The following CREBBP variants were observed in gnomAD, a reference collection of about 807,000 sequenced individuals.
CREBBP encodes the protein CREB binding lysine acetyltransferase.
Under a neutral mutation model 265.0 loss-of-function variants are expected in CREBBP, and 19 were observed. That is an observed-to-expected ratio of 0.07 (90% confidence interval 0.05 to 0.11). The LOEUF is 0.11. Ranked by LOEUF, CREBBP falls within the 10% of genes least tolerant of loss-of-function variation. The pLI is 1.00. For missense variants in CREBBP, 2,525 were observed against 3,219.0 expected (o/e 0.78, Z 5.22); for synonymous variants, 1,457 against 1,223.7 (o/e 1.19, Z -3.98).
Position 3,849,447 on chromosome 16 carries a change from GTGTGTGTGTGTGT to G in CREBBP, c.798+837_798+849del, listed in dbSNP as rs2054769088. On this transcript the variant is annotated intron_variant, in intron 2 of 30. Transcript: ENST00000262367. Reference sequence around the variant, plus strand: ...TGTGTGTGTGTGTGTGTGTGTGTGTGTGTGTGTGTGTGTGTGTGTGTGTGTGTGTGTGTGTGTG... The same window carrying G: ...TGTGTGTGTGTGTGTGTGTGTGTGTGGTGTGTGTGTGTGTGTGTGTGTGTG... 5.3e-4 allele frequency among the ~76,000 whole-genome samples: 17 copies of G among 31,820 alleles called. 1 individual carries two copies. The East Asian group carries it at 0.024, about 45-fold the overall frequency. 20.9% of individuals were successfully genotyped at this position (31,820 alleles called of 152,430 possible). A position where few individuals can be genotyped will look rare whatever the true frequency, so the allele number is the denominator to read the frequency against.
chr16:3,734,567 TG>T (rs1422667032), intron 28 of CREBBP, among the ~76,000 whole-genome samples: 7 of 152,078 alleles, frequency 4.6e-5, no homozygotes, highest in Non-Finnish European at 8.8e-5. Flanking sequence ...CCTTAGGAGA[TG>T]GAACTCAAGC....
At chr16:3,771,093 A>T (rs2141205646) in intron 13 of CREBBP, 107 bp from the exon 14 acceptor site, 12 of 1,202,362 alleles carry the variant, frequency 1.0e-5, no homozygotes, top group Middle Eastern at 2.0e-4. Flanking sequence ...TTTTTGAGAC[A>T]GTTTCACTCT....
chr16:3,785,526 C>T (rs2053365481), intron 5 of CREBBP, among the ~76,000 whole-genome samples: 1 of 152,244 alleles, frequency 6.6e-6, no homozygotes, highest in Non-Finnish European at 1.5e-5. Flanking sequence ...TTGCTCTTCA[C>T]CACCTGCCAC....
intron 1 of CREBBP, among the ~76,000 whole-genome samples, chr16:3,855,399 G>A (rs917246395): frequency 3.9e-5 from 6 of 152,092 alleles, no homozygotes; most frequent in Non-Finnish European, 5.9e-5. Context: ...AGAATAGCTG[G>A]GATTACAGGC....
In CREBBP at chr16:3,736,293, C is replaced by T. The variant is rs1005152901; in HGVS notation, c.4561-90G>A. ...CAGACCCCCACGCAAGCGTGCCCCT[C>T]ACCATGGTGTGGCAGAGTCCCATGC... On this transcript the variant is annotated intron_variant, in intron 27 of 30. Coordinates refer to ENST00000262367, the MANE Select transcript of CREBBP (RefSeq NM_004380.3). 3.6e-6 allele frequency: 5 copies of T among 1,378,796 alleles called. No individual in the cohort carries two copies. In the African/African-American group the frequency reaches 4.3e-5, roughly 12 times the overall value. The allele number at this position is 1,378,796 out of a possible 1,614,324, so 85.4% of individuals were successfully genotyped here.
At chr16:3,845,239 A>T (rs1262247841) in intron 2 of CREBBP, among the ~76,000 whole-genome samples, 1 of 152,220 alleles carries the variant, frequency 6.6e-6, no homozygotes, top group Admixed American at 6.5e-5. Context: ...TCATATTTTT[A>T]AAAATTCTCC....
intron 21 of CREBBP, 170 bp from the exon 22 acceptor site, chr16:3,745,524 A>G (rs1319524062): frequency 8.9e-6 from 6 of 676,866 alleles, no homozygotes; most frequent in East Asian, 5.5e-5. Context: ...CATCCGTATG[A>G]TATCTTCTAC....
chr16:3,850,372 C>T lies in CREBBP; in HGVS notation c.723G>A (p.Glu241=). 1.2e-6 allele frequency: 2 copies of T among 1,614,252 alleles called. No homozygotes were observed. Among genetic ancestry groups the T allele is most frequent in the Non-Finnish European group, 1.7e-6 (2 of 1,180,050 alleles). Residue 241 remains glutamate (E), a synonymous_variant, in exon 2 of 31, where the codon GAG becomes GAA. Transcript: ENST00000262367. The part of the protein sequence containing the change: ...MQGASSSVLA[E]TLTQVSPQMT... ...TTTGCGGGGAAACCTGCGTTAGGGTCTCAGCCAGCACGCTGCTCGAGGCGC... is the reference window on the plus strand; with the variant it reads ...TTTGCGGGGAAACCTGCGTTAGGGTTTCAGCCAGCACGCTGCTCGAGGCGC...
At chr16:3,829,162 ACT>A (rs1026946618) in intron 2 of CREBBP, among the ~76,000 whole-genome samples, 1 of 152,096 alleles carries the variant, frequency 6.6e-6, no homozygotes, top group Non-Finnish European at 1.5e-5. Flanking sequence ...TATAAATATA[ACT>A]CTTTTTAAAA....
chr16:3,820,005 T>C (rs2054111109), intron 2 of CREBBP, among the ~76,000 whole-genome samples: 1 of 152,206 alleles, frequency 6.6e-6, no homozygotes. Flanking sequence ...CAAGTTGGTA[T>C]ACATGTAAAA....
intron 2 of CREBBP, among the ~76,000 whole-genome samples, chr16:3,841,805 C>T (rs563330729): frequency 1.3e-5 from 2 of 152,320 alleles, no homozygotes; most frequent in South Asian, 2.1e-4. Context: ...CTGACCACCA[C>T]AATTACGGTC....
chr16:3,797,290 C>A (rs557218914), intron 3 of CREBBP, among the ~76,000 whole-genome samples: 5 of 152,244 alleles, frequency 3.3e-5, no homozygotes, highest in African/African-American at 1.2e-4. Context: ...AAGGGGCAAT[C>A]TATATTGCCA....
chr16:3,861,270 A>C (rs1385848011), intron 1 of CREBBP, among the ~76,000 whole-genome samples: 3 of 152,224 alleles, frequency 2.0e-5, no homozygotes, highest in Non-Finnish European at 4.4e-5. Context: ...ACTCTGTCCC[A>C]AAAAAATAAA....
intron 2 of CREBBP, among the ~76,000 whole-genome samples, chr16:3,818,818 A>C (rs2054088775): frequency 6.6e-6 from 1 of 152,214 alleles, no homozygotes; most frequent in Non-Finnish European, 1.5e-5. Context: ...TTCAGTAATA[A>C]GCTTTGCAAA....
chr16:3,779,040 G>A (rs1437256910), intron 8 of CREBBP, among the ~76,000 whole-genome samples: 4 of 151,942 alleles, frequency 2.6e-5, no homozygotes, highest in African/African-American at 9.7e-5. Context: ...GGTGGTGGAT[G>A]CCTGTAATCC....
intron 28 of CREBBP, among the ~76,000 whole-genome samples, chr16:3,735,192 C>A (rs1380735706): frequency 6.6e-6 from 1 of 152,208 alleles, no homozygotes; most frequent in Non-Finnish European, 1.5e-5. Flanking sequence ...CCCAAGGCTC[C>A]TTCCCCTTCA....
At chr16:3,845,650 C>A (rs1244254220) in intron 2 of CREBBP, among the ~76,000 whole-genome samples, 3 of 152,056 alleles carry the variant, frequency 2.0e-5, no homozygotes, top group Non-Finnish European at 4.4e-5. Flanking sequence ...GTTTGGGAGG[C>A]TGAGGTGGGT....
chr16:3,763,021 G>A (rs1245972532), intron 16 of CREBBP, among the ~76,000 whole-genome samples: 3 of 151,262 alleles, frequency 2.0e-5, no homozygotes, highest in Non-Finnish European at 3.0e-5. Context: ...TGATCCGCCC[G>A]CCTCGGCCTC....
chr16:3,795,289 T>G (rs778075452), intron 3 of CREBBP, among the ~76,000 whole-genome samples: 43 of 152,220 alleles, frequency 2.8e-4, no homozygotes, highest in Non-Finnish European at 5.1e-4. Context: ...TGCAGGAAAT[T>G]TGGAAAGCTA....
Sources: gnomAD v4.1 joint callset for allele counts (sites outside exome capture counted in the v4.1 genomes callset) on GRCh38, gnomAD v4.1.1 for gene constraint, MANE v1.5 for transcripts, NCBI Gene and HGNC (gene_info 2026-07-23, HGNC 2026-07-21) for gene names.